Variants in FBLN1 observed in about 807,000 individuals in gnomAD.
The protein encoded by FBLN1 is fibulin-1.
Under a neutral mutation model 89.7 loss-of-function variants are expected in FBLN1, and 34 were observed. The ratio of observed to expected loss-of-function variants is 0.38; its 90% confidence interval spans 0.29 to 0.50. FBLN1 has a LOEUF of 0.50. FBLN1 is among the 20% of genes least tolerant of loss of function. The pLI, the probability that FBLN1 is intolerant of heterozygous loss-of-function variation, is 0.92. For missense variants in FBLN1, 777 were observed against 988.1 expected, an observed-to-expected ratio of 0.79 and a Z score of 2.86; for synonymous variants, 393 against 391.3, an observed-to-expected ratio of 1.00 and a Z score of -0.05.
At chr22:45,547,644 C>T (rs1356822544) in intron 12 of FBLN1, among the ~76,000 whole-genome samples, 1 of 152,092 alleles carries the variant, frequency 6.6e-6, no homozygotes, top group Non-Finnish European at 1.5e-5. Context: ...AAGTGATCCT[C>T]TTGCTTCAGC....
chr22:45,534,040 G>A, intron 7 of FBLN1, 142 bp downstream of exon 7: 1 of 1,169,472 alleles, frequency 8.6e-7, no homozygotes, highest in Non-Finnish European at 1.3e-6. Flanking sequence ...ATCTGCAGGA[G>A]GGAGGTGGTT....
intron 14 of FBLN1, among the ~76,000 whole-genome samples, chr22:45,560,653 A>G (rs1008170756): frequency 6.6e-6 from 1 of 152,182 alleles, no homozygotes; most frequent in African/African-American, 2.4e-5. Context: ...ATCCAACGCT[A>G]TGTTCCTTCC....
intron 14 of FBLN1, chr22:45,558,539 C>G (rs2088816664): frequency 6.1e-6 from 1 of 162,620 alleles, no homozygotes; most frequent in South Asian, 1.8e-4. Flanking sequence ...ATTGGATCTG[C>G]TGGGTCATAT....
rs1330240655 is a variant in FBLN1, at chr22:45,531,394, C to T, written c.544+70C>T. 7.4e-7 allele frequency: 1 copy of T among 1,355,902 alleles called. No individual in the cohort carries two copies. Among genetic ancestry groups the T allele is most frequent in the Non-Finnish European group, 1.1e-6 (1 of 946,456 alleles). The allele number at this position is 1,355,902 out of a possible 1,614,324, so 84.0% of individuals were successfully genotyped here. A position where few individuals can be genotyped will look rare whatever the true frequency, so the allele number is the denominator to read the frequency against. On this transcript the variant is annotated intron_variant, in intron 5 of 16. Transcript: ENST00000327858. This position sits in a 1 kb window ranked among gnomAD's most constrained non-coding sequence, Gnocchi z 4.9. ...CAAGGGGCCAGCAAGGTGGCTCAGG[C>T]CTGTAATCCTAGTACTTTGGGAAGC... is the stretch of plus-strand genomic sequence containing the variant.
Position 45,549,760 on chromosome 22 carries a change from G to C in FBLN1, c.1574-732G>C, listed in dbSNP as rs2088677563. ...TGACAGCCCCTGAGCCCCACTGTTTGGCTGCTCCAGAGTCTATGGGAGTTG... is the reference window on the plus strand; with the variant it reads ...TGACAGCCCCTGAGCCCCACTGTTTCGCTGCTCCAGAGTCTATGGGAGTTG... On this transcript the variant is annotated intron_variant, in intron 13 of 16. Coordinates refer to ENST00000327858, the MANE Select transcript of FBLN1 (RefSeq NM_006486.3). This position sits in a 1 kb window ranked among gnomAD's most constrained non-coding sequence, Gnocchi z 5.7. Among the ~76,000 whole-genome samples the C allele has an allele frequency of 6.6e-6, 1 of 152,130 alleles. No homozygotes were observed. Among genetic ancestry groups the C allele is most frequent in the Non-Finnish European group, 1.5e-5 (1 of 68,002 alleles).
rs887128616 is a variant in FBLN1 at position 45,588,388 on chromosome 22, G to A, written c.1972+11280G>A. ...CGTGAAAAGGGAAACACCAGGAGTT[G>A]TGGCATTGGGAGTTTCTTCGCTTGA... On this transcript the variant is annotated intron_variant, in intron 16 of 16. Transcript: ENST00000327858. The surrounding 1 kb of genome is among the most constrained non-coding windows in gnomAD (Gnocchi z 5.1). Among the ~76,000 whole-genome samples the A allele has an allele frequency of 4.1e-4, 62 of 152,326 alleles. No homozygotes were observed. Among genetic ancestry groups the A allele is most frequent in the African/African-American group, 1.4e-3 (57 of 41,568 alleles).
chr22:45,574,683 G>GC lies in FBLN1; in HGVS notation c.1840+35dup, dbSNP rs769623554. The stretch of plus-strand genomic sequence containing the variant: ...GTGGGATGGGTGTGGGGGTCCCAGG[G>GC]CCCCCTAGGGCCTCCCTCGGCTTCA... On this transcript the variant is annotated intron_variant, in intron 15 of 16. Coordinates refer to ENST00000327858, the MANE Select transcript of FBLN1 (RefSeq NM_006486.3). This position sits in a 1 kb window ranked among gnomAD's most constrained non-coding sequence, Gnocchi z 4.1. 3.1e-6 allele frequency: 5 copies of GC among 1,602,976 alleles called. No individual in the cohort carries two copies. Among genetic ancestry groups the GC allele is most frequent in the East Asian group, 4.5e-5 (2 of 44,510 alleles).
Position 45,572,948 on chromosome 22 carries a change from C to A in FBLN1, c.1698-1563C>A, listed in dbSNP as rs1321465976. Among the ~76,000 whole-genome samples, 2 of 152,228 alleles carry A rather than the reference C, an allele frequency of 1.3e-5. No homozygotes were observed. The highest frequency in any genetic ancestry group is 2.9e-5 in the Non-Finnish European group (2 of 68,046). The stretch of plus-strand genomic sequence containing the variant: ...AAGTTGTATGGAAAATAAAGGAGGC[C>A]GGGCACGTTGGCTCACGCCTGTAAT... On this transcript the variant is annotated intron_variant, in intron 14 of 16. Transcript: ENST00000327858. The surrounding 1 kb of genome is among the most constrained non-coding windows in gnomAD (Gnocchi z 5.8).
rs182879166 is a variant in FBLN1, at chr22:45,529,733, G to A, written c.485-1532G>A. On this transcript the variant is annotated intron_variant, in intron 4 of 16. Coordinates refer to ENST00000327858, the MANE Select transcript of FBLN1 (RefSeq NM_006486.3). Reference sequence around the variant, plus strand: ...ATACAAAAATTAGCTGGGCGTGGTGGCGGGCGCCTGTAATCCCAGCTACTT... The same window carrying A: ...ATACAAAAATTAGCTGGGCGTGGTGACGGGCGCCTGTAATCCCAGCTACTT... 4.6e-5 allele frequency among the ~76,000 whole-genome samples: 7 copies of A among 152,328 alleles called. No homozygotes were observed. In the East Asian group the frequency reaches 1.3e-3, roughly 29 times the overall value.
chr22:45,548,759 T>C lies in FBLN1; in HGVS notation c.1573+15T>C, dbSNP rs373798555. On this transcript the variant is annotated intron_variant, in intron 13 of 16. Transcript: ENST00000327858. ...CAACTGCCAAGGTGAGCAGGAGGGA[T>C]GCCCTGGGGTCCCTCACGCTCTGCT... 149 of 1,612,098 alleles carry C rather than the reference T, an allele frequency of 9.2e-5. No individual in the cohort carries two copies. In the African/African-American group the frequency reaches 1.9e-3, roughly 20 times the overall value.
intron 2 of FBLN1, among the ~76,000 whole-genome samples, chr22:45,521,986 C>CT (rs900915523): frequency 2.9e-4 from 42 of 147,210 alleles, no homozygotes; most frequent in South Asian, 6.5e-4. Context: ...TTAGCCAGCT[C>CT]TTTTTTTTTT....
chr22:45,576,653 T>C lies in FBLN1; in HGVS notation c.1841-324T>C, dbSNP rs1446852601. 6.6e-6 allele frequency among the ~76,000 whole-genome samples: 1 copy of C among 152,144 alleles called. No homozygotes were observed. Among genetic ancestry groups the C allele is most frequent in the Non-Finnish European group, 1.5e-5 (1 of 68,030 alleles). On this transcript the variant is annotated intron_variant, in intron 15 of 16. Transcript: ENST00000327858. This position sits in a 1 kb window ranked among gnomAD's most constrained non-coding sequence, Gnocchi z 5.2. Reference sequence around the variant, plus strand: ...TGTCCCCTCACTCGCTTTCCTCCTCTGGTCCCCACCTTCATGAATATGCAC... The same window carrying C: ...TGTCCCCTCACTCGCTTTCCTCCTCCGGTCCCCACCTTCATGAATATGCAC...
At chr22:45,573,783 C>T (rs1312461106) in intron 14 of FBLN1, among the ~76,000 whole-genome samples, 1 of 151,312 alleles carries the variant, frequency 6.6e-6, no homozygotes, top group East Asian at 1.9e-4. Flanking sequence ...CTGGCAGTTG[C>T]GGGGCGTTTG....
chr22:45,536,902 C>A lies in FBLN1; in HGVS notation c.922+1565C>A, dbSNP rs191712464. ...CTAGAGGAGCTGTGTGGGGTGCGGC[C>A]GGGGAGCTGGCCGGCCTGGGTTACT... On this transcript the variant is annotated intron_variant, in intron 8 of 16. Coordinates refer to ENST00000327858, the MANE Select transcript of FBLN1 (RefSeq NM_006486.3). This position sits in a 1 kb window ranked among gnomAD's most constrained non-coding sequence, Gnocchi z 5.1. Among the ~76,000 whole-genome samples, 340 of 152,308 alleles carry A rather than the reference C, an allele frequency of 2.2e-3. No individual in the cohort carries two copies. Among genetic ancestry groups the A allele is most frequent in the African/African-American group, 7.7e-3 (318 of 41,564 alleles).
At chr22:45,553,926 A>G (rs2088740682) in intron 14 of FBLN1, among the ~76,000 whole-genome samples, 1 of 152,044 alleles carries the variant, frequency 6.6e-6, no homozygotes, top group East Asian at 1.9e-4. Context: ...CACCAGGGCG[A>G]CTCTAGCGCC....
At chr22:45,503,085 C>T (rs1362427544) in intron 1 of FBLN1, 21 bp downstream of exon 1, 2 of 1,230,856 alleles carry the variant, frequency 1.6e-6, no homozygotes, top group South Asian at 3.6e-5. Flanking sequence ...CCCGGGTCCG[C>T]CGCCCCAGCT....
At chr22:45,508,480 C>T (rs1469311649) in intron 1 of FBLN1, among the ~76,000 whole-genome samples, 3 of 152,084 alleles carry the variant, frequency 2.0e-5, no homozygotes, top group Non-Finnish European at 2.9e-5. Flanking sequence ...CCAGAGTGGT[C>T]TCTAACTCCT....
chr22:45,544,928 T>C (rs1202692569), intron 11 of FBLN1, among the ~76,000 whole-genome samples: 1 of 152,224 alleles, frequency 6.6e-6, no homozygotes, highest in East Asian at 1.9e-4. Context: ...GAGCAGACAC[T>C]GAGAGCTTTG....
rs139364721 is a variant in FBLN1, at chr22:45,586,399, C to T, written c.1972+9291C>T. On this transcript the variant is annotated intron_variant, in intron 16 of 16. Coordinates refer to ENST00000327858, the MANE Select transcript of FBLN1 (RefSeq NM_006486.3). The stretch of plus-strand genomic sequence containing the variant: ...CCCCAGGGGTCGGCTACACCCCTCT[C>T]TACAGGCCTTTTTGGTGTAGCGCAG... 1.1e-3 allele frequency among the ~76,000 whole-genome samples: 172 copies of T among 152,332 alleles called. 1 individual carries two copies. The highest frequency in any genetic ancestry group is 3.9e-3 in the African/African-American group (163 of 41,582).
Sources: gnomAD v4.1 joint callset for allele counts (sites outside exome capture counted in the v4.1 genomes callset) on GRCh38, gnomAD v4.1.1 for gene constraint, Gnocchi (gnomAD v3.1) non-coding constraint, MANE v1.5 for transcripts, NCBI Gene and HGNC (gene_info 2026-07-23, HGNC 2026-07-21) for gene names.